Variants in RGS21 observed in about 807,000 individuals in gnomAD.
RGS21 encodes regulator of G-protein signalling 21.
RGS21 carries 19 observed loss-of-function variants against 18.7 expected under a neutral mutation model. The ratio of observed to expected loss-of-function variants is 1.01; its 90% CI spans 0.71 to 1.49. The LOEUF (loss-of-function observed/expected upper bound fraction) is 1.49. RGS21 is among the 40% of genes most tolerant of loss of function. The pLI is 0.00. For synonymous variants in RGS21, 56 were observed against 57.8 expected, an observed-to-expected ratio of 0.97 and a Z score of 0.14; for missense variants, 194 against 176.8, an observed-to-expected ratio of 1.10 and a Z score of -0.55.
intron 4 of RGS21, among the ~76,000 whole-genome samples, chr1:192,359,638 T>A (rs558194080): frequency 7.3e-6 from 1 of 137,550 alleles, no homozygotes; most frequent in East Asian, 2.0e-4. Flanking sequence ...TATATATATG[T>A]TTATATGTGT....
chr1:192,327,344 A>T (rs773491527), intron 1 of RGS21, among the ~76,000 whole-genome samples: 4 of 152,216 alleles, frequency 2.6e-5, no homozygotes, highest in Non-Finnish European at 4.4e-5. Context: ...CAACGAGTAG[A>T]TTATAAAATA....
At chr1:192,343,126 T>C in intron 2 of RGS21, 79 bp downstream of exon 2, 1 of 1,288,972 alleles carries the variant, frequency 7.8e-7, no homozygotes, top group African/African-American at 1.5e-5. Flanking sequence ...GTCTCGATGT[T>C]TTATTTCCTT....
intron 3 of RGS21, among the ~76,000 whole-genome samples, chr1:192,348,371 G>A (rs1156893411): frequency 6.6e-6 from 1 of 152,020 alleles, no homozygotes; most frequent in East Asian, 1.9e-4. Flanking sequence ...CAAGTTGAAA[G>A]AAACATACAA....
Position 192,321,074 on chromosome 1 carries a change from T to G in RGS21, c.-61+3969T>G, listed in dbSNP as rs183589223. ...GAATTTTCAGTTTAATGAAGAAATA[T>G]CCTAATATTTAAATTCTAAAGCTAA... On this transcript the variant is annotated intron_variant, in intron 1 of 4. Transcript: ENST00000417209. 2.7e-3 allele frequency among the ~76,000 whole-genome samples: 413 copies of G among 152,050 alleles called. 3 individuals are homozygous for G. Among genetic ancestry groups the G allele is most frequent in the African/African-American group, 9.5e-3 (395 of 41,540 alleles).
chr1:192,364,440 G>A (rs985606315), intron 4 of RGS21, among the ~76,000 whole-genome samples: 8 of 151,846 alleles, frequency 5.3e-5, no homozygotes, highest in African/African-American at 1.9e-4. Context: ...AAATAGTTTG[G>A]TATTCTTGTG....
At chr1:192,328,094 AT>A (rs1658594320) in intron 1 of RGS21, among the ~76,000 whole-genome samples, 1 of 152,162 alleles carries the variant, frequency 6.6e-6, no homozygotes, top group Non-Finnish European at 1.5e-5. Context: ...TGAATACCAT[AT>A]TCTCAACTTT....
At position 192,337,613 on chromosome 1, in the gene RGS21, C is replaced by T. The variant is rs142179729; in HGVS notation, c.-60-5364C>T. ...GGATGCTGTGTATACACGATGGCAA[C>T]ACAGAAATGTAAAACACAGGGGGAG... On this transcript the variant is annotated intron_variant, in intron 1 of 4. Transcript: ENST00000417209. Among the ~76,000 whole-genome samples, 429 of 152,106 alleles carry T rather than the reference C, an allele frequency of 2.8e-3. 3 individuals carry two copies. The highest frequency in any genetic ancestry group is 9.7e-3 in the African/African-American group (403 of 41,526).
At chr1:192,321,215 T>C (rs188877710) in intron 1 of RGS21, among the ~76,000 whole-genome samples, 1 of 152,136 alleles carries the variant, frequency 6.6e-6, no homozygotes, top group Admixed American at 6.6e-5. Flanking sequence ...CCATTTTTTC[T>C]AGTAAGCACT....
intron 1 of RGS21, among the ~76,000 whole-genome samples, chr1:192,332,178 T>C (rs143094851): frequency 5.6e-4 from 85 of 152,242 alleles, no homozygotes; most frequent in African/African-American, 2.0e-3. Flanking sequence ...TAAAGCTCCA[T>C]ATTTAAAAGA....
rs1051489516 is a variant in RGS21 at position 192,328,860 on chromosome 1, G to T, written c.-61+11755G>T. Among the ~76,000 whole-genome samples, 5 of 152,164 alleles carry T rather than the reference G, an allele frequency of 3.3e-5. No homozygotes were observed. The East Asian group carries it at 9.7e-4, about 29-fold the overall frequency. On this transcript the variant is annotated intron_variant, in intron 1 of 4. Coordinates refer to ENST00000417209, the MANE Select transcript of RGS21 (RefSeq NM_001039152.3). ...AACAAATAATTTGCAGGTGATAGCT[G>T]TTATGTACAAGAATCATATTTATTG...
At chr1:192,341,080 T>C (rs887112552) in intron 1 of RGS21, among the ~76,000 whole-genome samples, 1 of 152,022 alleles carries the variant, frequency 6.6e-6, no homozygotes, top group Non-Finnish European at 1.5e-5. Context: ...ACTATCTCTT[T>C]CCCTGCCTTT....
chr1:192,326,938 C>T (rs774276484), intron 1 of RGS21, among the ~76,000 whole-genome samples: 3 of 152,112 alleles, frequency 2.0e-5, no homozygotes, highest in African/African-American at 4.8e-5. Context: ...TTCTAACACA[C>T]ACAAAGTTCT....
intron 1 of RGS21, among the ~76,000 whole-genome samples, chr1:192,337,426 G>C (rs1658787160): frequency 6.6e-6 from 1 of 151,660 alleles, no homozygotes; most frequent in South Asian, 2.1e-4. Context: ...AAAATATTGT[G>C]TACATAGATT....
intron 2 of RGS21, among the ~76,000 whole-genome samples, chr1:192,346,783 TGCCTCAGAGTAGGTAAAGACG>T: frequency 6.6e-6 from 1 of 152,122 alleles, no homozygotes; most frequent in Non-Finnish European, 1.5e-5. Context: ...AAATAAAGGC[TGCCTCAGAGTAGGTAAAGACG>T]TTTTGAAATA....
intron 2 of RGS21, among the ~76,000 whole-genome samples, chr1:192,343,317 A>T (rs972236958): frequency 1.3e-5 from 2 of 152,020 alleles, no homozygotes; most frequent in African/African-American, 4.8e-5. Flanking sequence ...TTTTTAAATT[A>T]TGAGATGAAT....
chr1:192,366,245 T>A lies in RGS21; in HGVS notation c.*121T>A, dbSNP rs1659258808. ...AGAAAACATTTTTTACCCAAACAGA[T>A]GAATAACGTTTTATACAACAAGCCT... is the stretch of plus-strand genomic sequence containing the variant. On this transcript the variant is annotated 3_prime_UTR_variant, in exon 5 of 5. Coordinates refer to ENST00000417209, the MANE Select transcript of RGS21 (RefSeq NM_001039152.3). The A allele has an allele frequency of 1.5e-6, 1 of 659,068 alleles. No homozygotes were observed. The highest frequency in any genetic ancestry group is 1.8e-5 in the African/African-American group (1 of 54,308). 40.8% of individuals were successfully genotyped at this position (659,068 alleles called of 1,614,324 possible).
intron 1 of RGS21, among the ~76,000 whole-genome samples, chr1:192,322,217 G>A (rs1056363526): frequency 1.3e-5 from 2 of 151,792 alleles, no homozygotes; most frequent in Admixed American, 1.3e-4. Context: ...ATAGAAGCAT[G>A]ACATTCAAAT....
intron 1 of RGS21, among the ~76,000 whole-genome samples, chr1:192,334,632 C>T (rs958305261): frequency 6.6e-6 from 1 of 151,848 alleles, no homozygotes; most frequent in Non-Finnish European, 1.5e-5. Context: ...AACACAGATG[C>T]TGAAGAGAAA....
chr1:192,336,591 G>C (rs1658771175), intron 1 of RGS21, among the ~76,000 whole-genome samples: 1 of 152,124 alleles, frequency 6.6e-6, no homozygotes, highest in Non-Finnish European at 1.5e-5. Flanking sequence ...CTGTTAAAAA[G>C]AGAGTTATTT....
Sources: allele counts gnomAD v4.1 joint callset (sites outside exome capture counted in the v4.1 genomes callset), GRCh38; gene constraint gnomAD v4.1.1; transcripts MANE v1.5; gene names NCBI Gene and HGNC (gene_info 2026-07-23, HGNC 2026-07-21).